The following PIP5KL1 variants were observed in gnomAD, a reference collection of about 807,000 sequenced individuals.
PIP5KL1 encodes phosphatidylinositol 4-phosphate 5-kinase-like protein 1.
Under a neutral mutation model 47.6 loss-of-function variants are expected in PIP5KL1, and 45 were observed. That is an observed-to-expected ratio of 0.94 (90% confidence interval 0.74 to 1.21). The LOEUF is 1.21. PIP5KL1 is among the 50% of genes most tolerant of loss of function. The probability of loss-of-function intolerance (pLI) is 0.00; values close to 1 mark genes in which losing one functional copy is unlikely to be tolerated. For missense variants in PIP5KL1, 577 were observed against 547.6 expected, an observed-to-expected ratio of 1.05 and a Z score of -0.54; for synonymous variants, 256 against 234.6, an observed-to-expected ratio of 1.09 and a Z score of -0.84.
Position 127,927,313 on chromosome 9 carries a change from A to C in PIP5KL1, c.578T>G (p.Val193Gly). ...ARLLGVHSLR[V>G]DRGKKTYFIV... ...TTCACCCACCTTCTTTCCCCGGTCC[A>C]CCCGCAGACTGTGCACTCCTGGAAG... The change falls in exon 6 of 10, where the codon GTG becomes GGG. Residue 193 changes from valine to glycine, a missense_variant. Coordinates refer to ENST00000388747, the MANE Select transcript of PIP5KL1 (RefSeq NM_001135219.2). The surrounding 1 kb of genome is among the most constrained non-coding windows in gnomAD (Gnocchi z 5.5). 1 of 1,610,042 alleles carries C rather than the reference A, an allele frequency of 6.2e-7. No individual in the cohort carries two copies.
Position 127,921,708 on chromosome 9 carries a change from C to T in PIP5KL1, c.*139G>A, listed in dbSNP as rs1831282365. ...GGCACCACCGTCAAACGGGACTGCG[C>T]GGTTACGGTATTAGTTAGGGGATGC... On this transcript the variant is annotated 3_prime_UTR_variant, in exon 10 of 10. Coordinates refer to ENST00000388747, the MANE Select transcript of PIP5KL1 (RefSeq NM_001135219.2). 1 of 1,205,694 alleles carries T rather than the reference C, an allele frequency of 8.3e-7. No homozygotes were observed. Among genetic ancestry groups the T allele is most frequent in the South Asian group, 1.6e-5 (1 of 62,944 alleles). The allele number at this position is 1,205,694 out of a possible 1,614,324, so 74.7% of individuals were successfully genotyped here.
chr9:127,920,954 G>A lies in PIP5KL1; in HGVS notation c.*893C>T, dbSNP rs779664201. The A allele has an allele frequency of 6.6e-6, 1 of 152,250 alleles. No individual in the cohort carries two copies. Among genetic ancestry groups the A allele is most frequent in the Non-Finnish European group, 1.5e-5 (1 of 68,072 alleles). 9.4% of individuals were successfully genotyped at this position (152,250 alleles called of 1,614,324 possible). ...CCTTCATTTTACAGATTAGACCAGC[G>A]AGGCACAGAGAGGTTTAGCACCTTG... is the stretch of plus-strand genomic sequence containing the variant. On this transcript the variant is annotated 3_prime_UTR_variant, in exon 10 of 10. Coordinates refer to ENST00000388747, the MANE Select transcript of PIP5KL1 (RefSeq NM_001135219.2).
chr9:127,922,021 C>A lies in PIP5KL1; in HGVS notation c.1011G>T (p.Gly337=), dbSNP rs1228364015. The part of the protein sequence containing the change: ...DAPNALHILD[G]PEQRYFLGVV... ...CGCCCAGGAAATAGCGCTGCTCGGG[C>A]CCGTCCAGGATGTGTAGGGCGTTGG... Residue 337 remains glycine (G), a synonymous_variant, in exon 10 of 10, where the codon GGG becomes GGT. Transcript: ENST00000388747. 6.3e-7 allele frequency: 1 copy of A among 1,574,830 alleles called. No homozygotes were observed. Among genetic ancestry groups the A allele is most frequent in the Non-Finnish European group, 8.6e-7 (1 of 1,161,424 alleles).
chr9:127,929,923 G>A lies in PIP5KL1; in HGVS notation c.31-38C>T. 7.6e-6 allele frequency: 11 copies of A among 1,445,296 alleles called. No homozygotes were observed. Among genetic ancestry groups the A allele is most frequent in the Non-Finnish European group, 1.0e-5 (11 of 1,090,836 alleles). The allele number at this position is 1,445,296 out of a possible 1,614,324, so 89.5% of individuals were successfully genotyped here. ...GGCACAGGACACAGCCTGTGGCAGC[G>A]TCACAGAGGAAAAAGATCAGGGTTC... On this transcript the variant is annotated intron_variant, in intron 1 of 9. Coordinates refer to ENST00000388747, the MANE Select transcript of PIP5KL1 (RefSeq NM_001135219.2). This position sits in a 1 kb window ranked among gnomAD's most constrained non-coding sequence, Gnocchi z 4.0.
In PIP5KL1 at chr9:127,929,914, T is replaced by C; in HGVS notation, c.31-29A>G. The C allele has an allele frequency of 2.0e-6, 3 of 1,466,956 alleles. No homozygotes were observed. Among genetic ancestry groups the C allele is most frequent in the Non-Finnish European group, 1.8e-6 (2 of 1,103,394 alleles). The allele number at this position is 1,466,956 out of a possible 1,614,324, so 90.9% of individuals were successfully genotyped here. A position where few individuals can be genotyped will look rare whatever the true frequency, so the allele number is the denominator to read the frequency against. On this transcript the variant is annotated intron_variant, in intron 1 of 9. Coordinates refer to ENST00000388747, the MANE Select transcript of PIP5KL1 (RefSeq NM_001135219.2). This position sits in a 1 kb window ranked among gnomAD's most constrained non-coding sequence, Gnocchi z 4.0. ...GTGGGAGGAGGCACAGGACACAGCC[T>C]GTGGCAGCGTCACAGAGGAAAAAGA...
chr9:127,927,890 G>T lies in PIP5KL1; in HGVS notation c.435-118C>A. On this transcript the variant is annotated intron_variant, in intron 4 of 9. Coordinates refer to ENST00000388747, the MANE Select transcript of PIP5KL1 (RefSeq NM_001135219.2). The surrounding 1 kb of genome is among the most constrained non-coding windows in gnomAD (Gnocchi z 5.5). ...CCCAGGTCTCGGCACCGCCTCTCTC[G>T]CCTTCGGCCCTCGCCCTCCTCTCCT... 1 of 1,488,238 alleles carries T rather than the reference G, an allele frequency of 6.7e-7. No individual in the cohort carries two copies. Among genetic ancestry groups the T allele is most frequent in the Non-Finnish European group, 8.9e-7 (1 of 1,120,392 alleles). 92.2% of individuals were successfully genotyped at this position (1,488,238 alleles called of 1,614,324 possible).
At chr9:127,922,362 A>G (rs541978198) in intron 9 of PIP5KL1, among the ~76,000 whole-genome samples, 2 of 152,340 alleles carry the variant, frequency 1.3e-5, no homozygotes, top group South Asian at 4.1e-4. Flanking sequence ...GAGATGTGCT[A>G]TACGTGTACA....
chr9:127,921,585 C>G lies in PIP5KL1; in HGVS notation c.*262G>C, dbSNP rs1564135851. The G allele has an allele frequency of 2.0e-6, 1 of 506,590 alleles. No individual in the cohort carries two copies. The highest frequency in any genetic ancestry group is 3.4e-5 in the East Asian group (1 of 29,356). 31.4% of individuals were successfully genotyped at this position (506,590 alleles called of 1,614,324 possible). ...TGATCTTGATCAGTCCCTTCACCCCCTGAGCCTCCATTTCATGGTCTGTAA... is the reference window on the plus strand; with the variant it reads ...TGATCTTGATCAGTCCCTTCACCCCGTGAGCCTCCATTTCATGGTCTGTAA... On this transcript the variant is annotated 3_prime_UTR_variant, in exon 10 of 10. Transcript: ENST00000388747.
intron 9 of PIP5KL1, among the ~76,000 whole-genome samples, chr9:127,923,065 G>A (rs1470930447): frequency 6.6e-6 from 1 of 152,198 alleles, no homozygotes; most frequent in Admixed American, 6.5e-5. Context: ...CAGAAGTTTT[G>A]TGAACAAAAT....
At chr9:127,923,470 C>T (rs1298008853) in intron 9 of PIP5KL1, among the ~76,000 whole-genome samples, 1 of 152,266 alleles carries the variant, frequency 6.6e-6, no homozygotes, top group Non-Finnish European at 1.5e-5. Flanking sequence ...CAAACCAGGA[C>T]TCACTGACTG....
rs1170184470 is a variant in PIP5KL1, at chr9:127,922,182, C to G, written c.918-68G>C. The G allele has an allele frequency of 3.5e-6, 5 of 1,435,726 alleles. No individual in the cohort carries two copies. The African/African-American group carries it at 7.2e-5, about 21-fold the overall frequency. 88.9% of individuals were successfully genotyped at this position (1,435,726 alleles called of 1,614,324 possible). On this transcript the variant is annotated intron_variant, in intron 9 of 9. Transcript: ENST00000388747. ...AGCCCCAGCCAGTCGGCTCTGCAAGCCTGGCCAGGCTGCCCACCCCTCCAC... is the reference window on the plus strand; with the variant it reads ...AGCCCCAGCCAGTCGGCTCTGCAAGGCTGGCCAGGCTGCCCACCCCTCCAC...
rs1410236746 is a variant in PIP5KL1 at position 127,930,665 on chromosome 9, G to A, written c.30+58C>T. 11 of 1,478,668 alleles carry A rather than the reference G, an allele frequency of 7.4e-6. No individual in the cohort carries two copies. In the East Asian group the frequency reaches 3.2e-4, roughly 43 times the overall value. 91.6% of individuals were successfully genotyped at this position (1,478,668 alleles called of 1,614,324 possible). On this transcript the variant is annotated intron_variant, in intron 1 of 9. Coordinates refer to ENST00000388747, the MANE Select transcript of PIP5KL1 (RefSeq NM_001135219.2). The stretch of plus-strand genomic sequence containing the variant: ...TGTCCGCGCCGCTCGCCGAGGGGAG[G>A]CCCGGCCCCTGCCCACCAACCCTTC...
rs201017551 is a variant in PIP5KL1, at chr9:127,922,128, G to A, written c.918-14C>T. 9.3e-5 allele frequency: 137 copies of A among 1,474,088 alleles called. 1 individual carries two copies. In the East Asian group the frequency reaches 1.7e-3, roughly 18 times the overall value. The allele number at this position is 1,474,088 out of a possible 1,614,324, so 91.3% of individuals were successfully genotyped here. On this transcript the variant is annotated splice_polypyrimidine_tract_variant and intron_variant, in intron 9 of 9. Coordinates refer to ENST00000388747, the MANE Select transcript of PIP5KL1 (RefSeq NM_001135219.2). ...CCTTGCACAGACCTGGGGGCCGACAGGAGGGTGAAGCTGCCAGCTCCTCCA... is the reference window on the plus strand; with the variant it reads ...CCTTGCACAGACCTGGGGGCCGACAAGAGGGTGAAGCTGCCAGCTCCTCCA...
rs752734471 is a variant in PIP5KL1 at position 127,928,439 on chromosome 9, A to G, written c.273T>C (p.Val91=). 6.2e-7 allele frequency: 1 copy of G among 1,600,712 alleles called. No individual in the cohort carries two copies. The highest frequency in any genetic ancestry group is 8.5e-7 in the Non-Finnish European group (1 of 1,175,022). Residue 91 remains valine (V), a synonymous_variant, in exon 3 of 10, where the codon GTT becomes GTC. Coordinates refer to ENST00000388747, the MANE Select transcript of PIP5KL1 (RefSeq NM_001135219.2). ...GGGAGTCTGGGCCTCCTACCTCGTG[A>G]ACCTGGGTTAGGACCTCCGAGAAAT... ...RDDFSEVLTQ[V]HEGFELGTLA...
Position 127,929,165 on chromosome 9 carries a change from T to C in PIP5KL1, c.228+523A>G, listed in dbSNP as rs960790127. On this transcript the variant is annotated intron_variant, in intron 2 of 9. Transcript: ENST00000388747. The surrounding 1 kb of genome is among the most constrained non-coding windows in gnomAD (Gnocchi z 4.0). ...CACTTTCCCTGGATCTCCAGGTCCC[T>C]GTGCCCGGATGTGGTCTGTGGAATG... Among the ~76,000 whole-genome samples the C allele has an allele frequency of 2.0e-5, 3 of 152,202 alleles. No individual in the cohort carries two copies. The highest frequency in any genetic ancestry group is 4.4e-5 in the Non-Finnish European group (3 of 68,026).
intron 2 of PIP5KL1, chr9:127,928,841 G>C: frequency 3.5e-6 from 1 of 288,514 alleles, no homozygotes; most frequent in Non-Finnish European, 6.5e-6. Flanking sequence ...GGACCTGCCT[G>C]ATGCAACCTG....
At chr9:127,930,701 C>A in intron 1 of PIP5KL1, 22 bp downstream of exon 1, 1 of 1,564,330 alleles carries the variant, frequency 6.4e-7, no homozygotes, top group Non-Finnish European at 8.6e-7. Context: ...CCTCTCCTGT[C>A]CTCTCTCGGG....
In PIP5KL1 at chr9:127,929,937, A is replaced by G; in HGVS notation, c.31-52T>C. On this transcript the variant is annotated intron_variant, in intron 1 of 9. Transcript: ENST00000388747. The surrounding 1 kb of genome is among the most constrained non-coding windows in gnomAD (Gnocchi z 4.0). ...CCTGTGGCAGCGTCACAGAGGAAAA[A>G]GATCAGGGTTCAAGTCCCACTTCCA... is the stretch of plus-strand genomic sequence containing the variant. 7.0e-7 allele frequency: 1 copy of G among 1,420,930 alleles called. No individual in the cohort carries two copies. The highest frequency in any genetic ancestry group is 9.3e-7 in the Non-Finnish European group (1 of 1,073,462). 88.0% of individuals were successfully genotyped at this position (1,420,930 alleles called of 1,614,324 possible). A position where few individuals can be genotyped will look rare whatever the true frequency, so the allele number is the denominator to read the frequency against.
chr9:127,925,569 G>C, intron 8 of PIP5KL1: 2 of 474,606 alleles, frequency 4.2e-6, no homozygotes, highest in South Asian at 2.1e-5. Flanking sequence ...GGGTTCAAGC[G>C]ATTCTCCTGC....
Sources: gnomAD v4.1 joint callset for allele counts (sites outside exome capture counted in the v4.1 genomes callset) on GRCh38, gnomAD v4.1.1 for gene constraint, Gnocchi (gnomAD v3.1) non-coding constraint, MANE v1.5 for transcripts, NCBI Gene and HGNC (gene_info 2026-07-23, HGNC 2026-07-21) for gene names.